The following COA1 variants were observed in gnomAD, a reference collection of about 807,000 sequenced individuals.
The protein encoded by COA1 is cytochrome c oxidase assembly factor 1, also known as cytochrome c oxidase assembly factor 1 homolog.
A neutral mutation model predicts 16.0 loss-of-function variants in COA1; 13 were observed. The ratio of observed to expected loss-of-function variants is 0.81; its 90% CI spans 0.53 to 1.29. COA1 has a LOEUF of 1.29. Ranked by LOEUF, COA1 falls within the 50% of genes most tolerant of loss-of-function variation. COA1 has a pLI of 0.00. For missense variants in COA1, 179 were observed against 177.0 expected, an observed-to-expected ratio of 1.01 and a Z score of -0.06; for synonymous variants, 65 against 65.7, an observed-to-expected ratio of 0.99 and a Z score of 0.05.
At chr7:43,719,718 A>G (rs921814048) in intron 1 of COA1, among the ~76,000 whole-genome samples, 1 of 151,280 alleles carries the variant, frequency 6.6e-6, no homozygotes, top group Non-Finnish European at 1.5e-5. Flanking sequence ...ATGTCCCCTG[A>G]CCCACATATT....
chr7:43,692,627 T>A (rs192751353), intron 1 of COA1, among the ~76,000 whole-genome samples: 1 of 152,330 alleles, frequency 6.6e-6, no homozygotes, highest in East Asian at 1.9e-4. Flanking sequence ...AATGTTCTCA[T>A]TTCATGATGT....
intron 1 of COA1, among the ~76,000 whole-genome samples, chr7:43,683,192 C>T (rs1466258915): frequency 1.3e-5 from 2 of 152,056 alleles, no homozygotes; most frequent in South Asian, 2.1e-4. Flanking sequence ...TTATCAGAAT[C>T]GTTAACTCCT....
intron 1 of COA1, among the ~76,000 whole-genome samples, chr7:43,711,619 CATT>C (rs977694971): frequency 1.3e-5 from 2 of 152,180 alleles, no homozygotes; most frequent in African/African-American, 4.8e-5. Flanking sequence ...GCAATTTCAT[CATT>C]GTGTGAACAT....
intron 1 of COA1, among the ~76,000 whole-genome samples, chr7:43,672,287 A>C (rs374165472): frequency 6.6e-6 from 1 of 152,210 alleles, no homozygotes; most frequent in African/African-American, 2.4e-5. Context: ...ATACTAGCGA[A>C]TCGAATCTAG....
intron 1 of COA1, among the ~76,000 whole-genome samples, chr7:43,651,047 G>C (rs2090666533): frequency 6.6e-6 from 1 of 152,138 alleles, no homozygotes; most frequent in South Asian, 2.1e-4. Context: ...CTTTCAAAGA[G>C]TGTTAGGTAG....
intron 1 of COA1, among the ~76,000 whole-genome samples, chr7:43,722,504 ATTCTTGTGCCTCG>A (rs2132186000): frequency 6.6e-6 from 1 of 152,272 alleles, no homozygotes; most frequent in South Asian, 2.1e-4. Context: ...GGTTCAAGAG[ATTCTTGTGCCTCG>A]TACCAGCTGC....
chr7:43,691,419 G>GGAAGAA (rs1271735292), intron 1 of COA1, among the ~76,000 whole-genome samples: 4 of 82,268 alleles, frequency 4.9e-5, no homozygotes, highest in African/African-American at 1.9e-4. Flanking sequence ...AAGGAAGAAA[G>GGAAGAA]AAAAAGAAAG....
chr7:43,662,466 G>C (rs868753412), intron 1 of COA1, among the ~76,000 whole-genome samples: 1 of 152,114 alleles, frequency 6.6e-6, no homozygotes, highest in African/African-American at 2.4e-5. Flanking sequence ...TCCTGACCTC[G>C]TGATCCATCC....
At chr7:43,637,995 C>T (rs2086188126), downstream of COA1, among the ~76,000 whole-genome samples, 1 of 152,168 alleles carries the variant, frequency 6.6e-6, no homozygotes, top group Non-Finnish European at 1.5e-5. Context: ...CAGTGTGTAA[C>T]TTAAAGAGCA....
chr7:43,623,837 T>C lies in COA1; in HGVS notation c.*134-14342A>G, dbSNP rs1191098206. 3.8e-6 allele frequency: 6 copies of C among 1,599,676 alleles called. No homozygotes were observed. The Admixed American group carries it at 1.0e-4, about 28-fold the overall frequency. On this transcript the variant is annotated intron_variant and NMD_transcript_variant, in intron 6 of 6. Transcript: ENST00000415076. The stretch of plus-strand genomic sequence containing the variant: ...TATTCTGAGGAAGAATTTGATGTTT[T>C]GTCTGAGTCGGCTGTTGATTTCATC...
At chr7:43,709,786 T>C (rs1196216320) in intron 1 of COA1, among the ~76,000 whole-genome samples, 1 of 152,194 alleles carries the variant, frequency 6.6e-6, no homozygotes. Context: ...CATATAAATT[T>C]ATCTTTTAAT....
At chr7:43,712,976 CAG>C (rs1206270850) in intron 1 of COA1, among the ~76,000 whole-genome samples, 4 of 151,946 alleles carry the variant, frequency 2.6e-5, no homozygotes, top group Non-Finnish European at 4.4e-5. Context: ...CTATTTGAGA[CAG>C]AGTCTCGTTC....
intron 1 of COA1, among the ~76,000 whole-genome samples, chr7:43,670,409 C>T (rs1051394784): frequency 6.6e-6 from 1 of 151,976 alleles, no homozygotes; most frequent in African/African-American, 2.4e-5. Flanking sequence ...GCCGAGACTG[C>T]ACCACTGCAC....
intron 1 of COA1, among the ~76,000 whole-genome samples, chr7:43,664,103 A>AAGAGAGAGAGGGAGAGAGAGAG (rs2092699296): frequency 7.4e-6 from 1 of 135,144 alleles, no homozygotes; most frequent in African/African-American, 3.0e-5. Flanking sequence ...TGTCTTTAGA[A>AAGAGAGAGAGGGAGAGAGAGAG]AGAGAGAGAG....
chr7:43,710,348 C>CAAAAAA lies in COA1; in HGVS notation c.-39+19075_-39+19080dup, dbSNP rs1165121530. ...TGGGTGAAAGAGCAAGACTCTGTCT[C>CAAAAAA]AAAAAAAAAAAAAAAAAAAAAAAAA... is the stretch of plus-strand genomic sequence containing the variant. On this transcript the variant is annotated intron_variant, in intron 1 of 5. Transcript: ENST00000223336. Among the ~76,000 whole-genome samples, 48 of 52,448 alleles carry CAAAAAA rather than the reference C, an allele frequency of 9.2e-4. 6 individuals are homozygous for CAAAAAA. Among genetic ancestry groups the CAAAAAA allele is most frequent in the Admixed American group, 1.7e-3 (6 of 3,556 alleles). 34.4% of individuals were successfully genotyped at this position (52,448 alleles called of 152,430 possible).
chr7:43,655,213 G>A (rs950133274), intron 1 of COA1, among the ~76,000 whole-genome samples: 2 of 151,962 alleles, frequency 1.3e-5, no homozygotes, highest in African/African-American at 4.8e-5. Flanking sequence ...ATGGTGCCCA[G>A]GCTGGTCTTC....
intron 1 of COA1, among the ~76,000 whole-genome samples, chr7:43,670,154 T>C (rs2093167236): frequency 6.6e-6 from 1 of 152,066 alleles, no homozygotes; most frequent in Non-Finnish European, 1.5e-5. Context: ...AATGGATGTG[T>C]ATAAAACATT....
intron 6 of COA1, among the ~76,000 whole-genome samples, chr7:43,624,229 G>T (rs1282588657): frequency 1.3e-5 from 2 of 152,170 alleles, no homozygotes; most frequent in Non-Finnish European, 2.9e-5. Flanking sequence ...AATTGACAGT[G>T]AAATGACAGC....
chr7:43,703,338 G>A (rs2094828706), intron 1 of COA1, among the ~76,000 whole-genome samples: 1 of 152,180 alleles, frequency 6.6e-6, no homozygotes, highest in African/African-American at 2.4e-5. Flanking sequence ...TTCTGTAGAT[G>A]TCTGTTAGGT....
Sources: gnomAD v4.1 joint callset for allele counts (sites outside exome capture counted in the v4.1 genomes callset) on GRCh38, gnomAD v4.1.1 for gene constraint, MANE v1.5 for transcripts, NCBI Gene and HGNC (gene_info 2026-07-23, HGNC 2026-07-21) for gene names.